The following ALOXE3 variants were observed in gnomAD, a reference collection of about 807,000 sequenced individuals.
ALOXE3 encodes arachidonate epidermal lipoxygenase 3.
A neutral mutation model predicts 87.5 loss-of-function variants in ALOXE3; 78 were observed. The ratio of observed to expected loss-of-function variants is 0.89; its 90% CI spans 0.74 to 1.08. ALOXE3 has a LOEUF of 1.08. ALOXE3 is among the 50% of genes least tolerant of loss of function. ALOXE3 has a pLI of 0.00. For synonymous variants in ALOXE3, 363 were observed against 370.8 expected (o/e 0.98, Z 0.24); for missense variants, 946 against 912.4 (o/e 1.04, Z -0.47).
chr17:8,103,207 GT>G (rs1376213072), intron 15 of ALOXE3, 115 bp downstream of exon 15: 14 of 1,244,806 alleles, frequency 1.1e-5, no homozygotes, highest in Non-Finnish European at 1.5e-5. Context: ...ACCCAAGGCA[GT>G]TCTGCAGTGA....
chr17:8,108,067 G>A (rs8071625), intron 13 of ALOXE3, among the ~76,000 whole-genome samples: 1 of 58,232 alleles, frequency 1.7e-5, no homozygotes, highest in East Asian at 3.7e-4. Flanking sequence ...AAGAAAGAAA[G>A]GAAGAGAGGT....
At chr17:8,114,025 C>CAAAA (rs59622826) in intron 6 of ALOXE3, among the ~76,000 whole-genome samples, 1 of 90,288 alleles carries the variant, frequency 1.1e-5, no homozygotes, top group Non-Finnish European at 2.4e-5. Flanking sequence ...AACTCCGTCT[C>CAAAA]AAAAAAAAAA....
intron 12 of ALOXE3, among the ~76,000 whole-genome samples, chr17:8,108,855 C>T (rs1163078217): frequency 6.6e-6 from 1 of 152,082 alleles, no homozygotes; most frequent in Non-Finnish European, 1.5e-5. Flanking sequence ...CATGCTGCCA[C>T]CCCCCTCCCC....
At chr17:8,106,789 T>C (rs1979346662) in intron 13 of ALOXE3, among the ~76,000 whole-genome samples, 1 of 152,166 alleles carries the variant, frequency 6.6e-6, no homozygotes, top group African/African-American at 2.4e-5. Flanking sequence ...CCTTTTTAAA[T>C]ACTGTATGTG....
chr17:8,108,067 G>T (rs8071625), intron 13 of ALOXE3, among the ~76,000 whole-genome samples: 42,316 of 57,610 alleles, frequency 0.73, 17,633 homozygotes, highest in Non-Finnish European at 0.81. Context: ...AAGAAAGAAA[G>T]GAAGAGAGGT....
intron 6 of ALOXE3, among the ~76,000 whole-genome samples, chr17:8,113,669 C>A (rs918289605): frequency 2.0e-5 from 3 of 151,266 alleles, no homozygotes; most frequent in Non-Finnish European, 4.4e-5. Flanking sequence ...ACAACAACAA[C>A]AACAAAAGGA....
intron 13 of ALOXE3, among the ~76,000 whole-genome samples, chr17:8,108,235 G>T (rs1979679355): frequency 6.6e-6 from 1 of 152,162 alleles, no homozygotes; most frequent in Non-Finnish European, 1.5e-5. Flanking sequence ...AAAGGTCAAG[G>T]GACCAGAGGG....
intron 6 of ALOXE3, among the ~76,000 whole-genome samples, chr17:8,113,592 G>A (rs1249018968): frequency 6.6e-6 from 1 of 152,172 alleles, no homozygotes; most frequent in Non-Finnish European, 1.5e-5. Context: ...AGTGGAGACT[G>A]CAGTGAGCCA....
chr17:8,107,815 AAGAAAGAAAG>A (rs1979459602), intron 13 of ALOXE3, among the ~76,000 whole-genome samples: 1 of 2,492 alleles, frequency 4.0e-4, no homozygotes, highest in Non-Finnish European at 8.0e-4. Flanking sequence ...AAAAACAAGA[AAGAAAGAAAG>A]AAAGAAAGAA....
In ALOXE3 at chr17:8,096,340, C is replaced by A; in HGVS notation, c.*287G>T. 1 of 390,256 alleles carries A rather than the reference C, an allele frequency of 2.6e-6. No individual in the cohort carries two copies. Among genetic ancestry groups the A allele is most frequent in the East Asian group, 5.0e-5 (1 of 20,014 alleles). 24.2% of individuals were successfully genotyped at this position (390,256 alleles called of 1,614,324 possible). A position where few individuals can be genotyped will look rare whatever the true frequency, so the allele number is the denominator to read the frequency against. On this transcript the variant is annotated 3_prime_UTR_variant, in exon 16 of 16. Coordinates refer to ENST00000448843, the MANE Select transcript of ALOXE3 (RefSeq NM_021628.3). The stretch of plus-strand genomic sequence containing the variant: ...TCCAAGAGGCTGGAACAAGAGGCTG[C>A]CCCAAGTGGGGCAAGAAGTGAAGCG...
intron 11 of ALOXE3, 27 bp from the exon 12 acceptor site, chr17:8,109,370 C>A (rs772097833): frequency 1.9e-6 from 3 of 1,609,774 alleles, no homozygotes; most frequent in Admixed American, 3.3e-5. Context: ...GCTCGGCTCC[C>A]GGGCCGGCCC....
intron 13 of ALOXE3, among the ~76,000 whole-genome samples, chr17:8,104,519 C>T (rs1399542384): frequency 6.6e-6 from 1 of 152,220 alleles, no homozygotes; most frequent in Non-Finnish European, 1.5e-5. Flanking sequence ...CTTCAATCTG[C>T]AGCCCCTATT....
At chr17:8,118,390 C>A in intron 1 of ALOXE3, 87 bp from the exon 2 acceptor site, 1 of 1,551,256 alleles carries the variant, frequency 6.4e-7, no homozygotes, top group Non-Finnish European at 8.7e-7. Flanking sequence ...TGGTCAGCGG[C>A]CCGGACTGAT....
At chr17:8,104,302 G>A in intron 13 of ALOXE3, 87 bp from the exon 14 acceptor site, 2 of 981,064 alleles carry the variant, frequency 2.0e-6, no homozygotes, top group Non-Finnish European at 3.2e-6. Flanking sequence ...ACCACAGGGG[G>A]AAAGTGAGGA....
At position 8,103,256 on chromosome 17, in the gene ALOXE3, G is replaced by T. The variant is rs188381524; in HGVS notation, c.1956+67C>A. On this transcript the variant is annotated intron_variant, in intron 15 of 15. Coordinates refer to ENST00000448843, the MANE Select transcript of ALOXE3 (RefSeq NM_021628.3). The stretch of plus-strand genomic sequence containing the variant: ...TCGATCAGTCCTCAAGCCCCCAGAC[G>T]AAGCCACCACCACCCCTACTGGTGG... The T allele has an allele frequency of 1.3e-4, 201 of 1,583,608 alleles. No individual in the cohort carries two copies. In the African/African-American group the frequency reaches 2.5e-3, roughly 19 times the overall value.
intron 3 of ALOXE3, among the ~76,000 whole-genome samples, chr17:8,116,514 G>T (rs1265521373): frequency 6.6e-6 from 1 of 152,174 alleles, no homozygotes; most frequent in Non-Finnish European, 1.5e-5. Context: ...GGAAAGCAAA[G>T]TGCTTCCTAT....
At position 8,112,127 on chromosome 17, in the gene ALOXE3, C is replaced by G; in HGVS notation, c.750G>C (p.Gln250His). ...KGSWKKLDDM[Q>H]NIFWCHKTFT... Reference sequence around the variant, plus strand: ...AGGTCTTATGGCACCAGAAGATGTTCTGCATGTCATCCAGCTTCTTCCAGG... The same window carrying G: ...AGGTCTTATGGCACCAGAAGATGTTGTGCATGTCATCCAGCTTCTTCCAGG... The change falls in exon 7 of 16, where the codon CAG becomes CAC. Residue 250 changes from glutamine (Q) to histidine (H), a missense_variant. By Grantham distance (24) the Gln-to-His change is conservative. Coordinates refer to ENST00000448843, the MANE Select transcript of ALOXE3 (RefSeq NM_021628.3). 1.2e-6 allele frequency: 2 copies of G among 1,614,178 alleles called. No individual in the cohort carries two copies. Among genetic ancestry groups the G allele is most frequent in the Non-Finnish European group, 1.7e-6 (2 of 1,180,032 alleles).
At chr17:8,099,022 CTTTT>C (rs751705010) in intron 15 of ALOXE3, among the ~76,000 whole-genome samples, 1 of 126,728 alleles carries the variant, frequency 7.9e-6, no homozygotes, top group Admixed American at 8.5e-5. Context: ...GGCTAGTTTT[CTTTT>C]TTTTTTTTTT....
Position 8,109,250 on chromosome 17 carries a change from G to A in ALOXE3, c.1486C>T (p.Arg496Trp), listed in dbSNP as rs867780319. The stretch of plus-strand genomic sequence containing the variant: ...GGGATAGCCAGGACGCCGCGGGCCC[G>A]CAGGCTGTCCGGAAGGCAGAAATTG... ...YTNFCLPDSLRARGVLAIPNY... is the reference protein window; with the variant it reads ...YTNFCLPDSLWARGVLAIPNY... The change falls in exon 12 of 16, where the codon CGG (arginine) becomes TGG (tryptophan). Residue 496 changes from arginine (R) to tryptophan (W), a missense_variant. Arg to Trp is a moderately radical substitution (Grantham distance 101). Coordinates refer to ENST00000448843, the MANE Select transcript of ALOXE3 (RefSeq NM_021628.3). The A allele has an allele frequency of 3.6e-5, 58 of 1,613,954 alleles. No individual in the cohort carries two copies. The African/African-American group carries it at 3.6e-4, about 10-fold the overall frequency.
Sources: allele counts gnomAD v4.1 joint callset (sites outside exome capture counted in the v4.1 genomes callset), GRCh38; gene constraint gnomAD v4.1.1; transcripts MANE v1.5; gene names NCBI Gene and HGNC (gene_info 2026-07-23, HGNC 2026-07-21).